The following CAND1 variants were observed in gnomAD, a reference collection of about 807,000 sequenced individuals.
CAND1 encodes cullin-associated NEDD8-dissociated protein 1.
Under a neutral mutation model 108.5 loss-of-function variants are expected in CAND1, and 7 were observed. The observed-to-expected ratio is 0.06, with a 90% CI of 0.04 to 0.12. CAND1 has a LOEUF of 0.12. CAND1 is among the 10% of genes least tolerant of loss of function. The pLI, the probability that CAND1 is intolerant of heterozygous loss-of-function variation, is 1.00. For missense variants in CAND1, 941 were observed against 1,448.7 expected (o/e 0.65, Z 5.69); for synonymous variants, 534 against 512.0 (o/e 1.04, Z -0.58).
intron 1 of CAND1, among the ~76,000 whole-genome samples, chr12:67,273,992 C>T (rs1234996812): frequency 2.0e-5 from 3 of 152,162 alleles, no homozygotes; most frequent in African/African-American, 4.8e-5. Flanking sequence ...AGATTAAGTA[C>T]TTGTTTAAGG....
chr12:67,291,536 A>G (rs2044721744), intron 2 of CAND1, among the ~76,000 whole-genome samples: 1 of 152,220 alleles, frequency 6.6e-6, no homozygotes. Context: ...ATATTTGCAT[A>G]TACAAAATGA....
In CAND1 at chr12:67,312,823, C is replaced by T; in HGVS notation, c.3686C>T (p.Thr1229Ile). ...SSSTNLESMD[T>I]S ...TCTACTAACTTGGAATCAATGGACA[C>T]TAGTTAGATGTTTGTTCACCATGGG... The change falls in exon 15 of 15, where the codon ACT (threonine) becomes ATT (isoleucine). Residue 1229 changes from threonine to isoleucine, a missense_variant. Thr to Ile is a moderately conservative substitution (Grantham distance 89). Coordinates refer to ENST00000545606, the MANE Select transcript of CAND1 (RefSeq NM_018448.5). 4.4e-6 allele frequency: 7 copies of T among 1,602,644 alleles called. No homozygotes were observed. The highest frequency in any genetic ancestry group is 5.1e-6 in the Non-Finnish European group (6 of 1,171,434).
chr12:67,312,447 T>C (rs1181321053), intron 14 of CAND1, among the ~76,000 whole-genome samples, 159 bp from the exon 15 acceptor site: 1 of 152,160 alleles, frequency 6.6e-6, no homozygotes, highest in Non-Finnish European at 1.5e-5. Context: ...AGGAGACAGC[T>C]ACTTTAAAAA....
At position 67,315,035 on chromosome 12, in the gene CAND1, T is replaced by G. The variant is rs1204634553; in HGVS notation, c.*2205T>G. 1 of 152,198 alleles carries G rather than the reference T, an allele frequency of 6.6e-6. No homozygotes were observed. The allele number at this position is 152,198 out of a possible 1,614,324, so 9.4% of individuals were successfully genotyped here. A position where few individuals can be genotyped will look rare whatever the true frequency, so the allele number is the denominator to read the frequency against. ...ATGCTACTTACTAGTAATATTAAGG[T>G]GTTAAACTTAGGAATTTGTCACATG... On this transcript the variant is annotated 3_prime_UTR_variant, in exon 15 of 15. Transcript: ENST00000545606.
At chr12:67,296,891 A>G (rs992301059) in intron 4 of CAND1, among the ~76,000 whole-genome samples, 3 of 152,016 alleles carry the variant, frequency 2.0e-5, no homozygotes, top group Non-Finnish European at 4.4e-5. Context: ...TCAATTTACC[A>G]GGCTCAGGTG....
intron 7 of CAND1, among the ~76,000 whole-genome samples, chr12:67,300,884 G>T (rs1439202290): frequency 6.6e-6 from 1 of 151,906 alleles, no homozygotes; most frequent in African/African-American, 2.4e-5. Flanking sequence ...TTTGAATTTT[G>T]TTTTTTTGTG....
intron 2 of CAND1, among the ~76,000 whole-genome samples, chr12:67,284,462 A>C (rs1446034969): frequency 6.6e-6 from 1 of 152,196 alleles, no homozygotes; most frequent in East Asian, 1.9e-4. Flanking sequence ...GTTAGTTGTC[A>C]AGACACTGAT....
At position 67,317,080 on chromosome 12, in the gene CAND1, T is replaced by C. The variant is rs1403138107; in HGVS notation, c.*4250T>C. The C allele has an allele frequency of 6.6e-6, 1 of 152,214 alleles. No individual in the cohort carries two copies. Among genetic ancestry groups the C allele is most frequent in the Non-Finnish European group, 1.5e-5 (1 of 68,044 alleles). 9.4% of individuals were successfully genotyped at this position (152,214 alleles called of 1,614,324 possible). ...GGATTACATATAATGAGAAGACGTG[T>C]GGGCTGAAATACCTAGTGAACAATA... is the stretch of plus-strand genomic sequence containing the variant. On this transcript the variant is annotated 3_prime_UTR_variant, in exon 15 of 15. Coordinates refer to ENST00000545606, the MANE Select transcript of CAND1 (RefSeq NM_018448.5).
chr12:67,301,624 GA>G (rs939105592), intron 7 of CAND1, among the ~76,000 whole-genome samples: 20 of 152,012 alleles, frequency 1.3e-4, no homozygotes, highest in Admixed American at 7.9e-4. Context: ...AGCATTAGGG[GA>G]AAAAATGGTC....
At chr12:67,298,428 A>C (rs1008558608) in intron 6 of CAND1, among the ~76,000 whole-genome samples, 10 of 152,130 alleles carry the variant, frequency 6.6e-5, no homozygotes, top group Non-Finnish European at 2.9e-5. Context: ...TGGTTTTGAG[A>C]AGTGGCTTTT....
At chr12:67,285,323 A>G (rs1174288591) in intron 2 of CAND1, among the ~76,000 whole-genome samples, 2 of 152,216 alleles carry the variant, frequency 1.3e-5, no homozygotes. Flanking sequence ...TGGATGGGAT[A>G]ACTCCACATC....
intron 13 of CAND1, 54 bp downstream of exon 13, chr12:67,310,370 C>A: frequency 2.4e-6 from 3 of 1,260,462 alleles, no homozygotes; most frequent in South Asian, 1.4e-5. Flanking sequence ...TTTGCTAGAG[C>A]AACTTTCACC....
chr12:67,294,068 A>G (rs1363526658), intron 3 of CAND1, among the ~76,000 whole-genome samples: 1 of 152,194 alleles, frequency 6.6e-6, no homozygotes, highest in East Asian at 1.9e-4. Context: ...TTTATTAAAT[A>G]GTTACTTATT....
intron 1 of CAND1, among the ~76,000 whole-genome samples, chr12:67,277,807 A>ATTTT (rs561441612): frequency 3.3e-5 from 5 of 151,582 alleles, no homozygotes; most frequent in African/African-American, 1.2e-4. Context: ...ACTGTATGTC[A>ATTTT]TTTTTTTTTC....
At chr12:67,302,052 AAGC>A (rs2044830083) in intron 7 of CAND1, among the ~76,000 whole-genome samples, 1 of 152,236 alleles carries the variant, frequency 6.6e-6, no homozygotes, top group African/African-American at 2.4e-5. Flanking sequence ...GGGTTAAAAT[AAGC>A]AGCAGTTCAT....
chr12:67,274,714 G>T (rs1301459893), intron 1 of CAND1, among the ~76,000 whole-genome samples: 1 of 152,152 alleles, frequency 6.6e-6, no homozygotes, highest in Admixed American at 6.5e-5. Context: ...ATTTTGGAAT[G>T]CAAGTTTTTC....
chr12:67,309,697 T>C (rs1455897061), intron 11 of CAND1, among the ~76,000 whole-genome samples: 1 of 152,012 alleles, frequency 6.6e-6, no homozygotes, highest in African/African-American at 2.4e-5. Context: ...TGAAAATATA[T>C]TCACCTTCAG....
Position 67,316,084 on chromosome 12 carries a change from A to C in CAND1, c.*3254A>C, listed in dbSNP as rs532283802. 6.6e-6 allele frequency: 1 copy of C among 152,296 alleles called. No individual in the cohort carries two copies. The highest frequency in any genetic ancestry group is 6.5e-5 in the Admixed American group (1 of 15,298). The allele number at this position is 152,296 out of a possible 1,614,324, so 9.4% of individuals were successfully genotyped here. A position where few individuals can be genotyped will look rare whatever the true frequency, so the allele number is the denominator to read the frequency against. On this transcript the variant is annotated 3_prime_UTR_variant, in exon 15 of 15. Transcript: ENST00000545606. ...AAGACCTTAAACATTTCAGCAAGTA[A>C]ATTTTGGATTCTAGCTCTGTTTTAA... is the stretch of plus-strand genomic sequence containing the variant.
Position 67,315,097 on chromosome 12 carries a change from C to T in CAND1, c.*2267C>T, listed in dbSNP as rs1038803360. ...GGAGATCTAAAAGTTAATACAAAAC[C>T]AAGCTGTTTACTGATTTTCATGAGA... On this transcript the variant is annotated 3_prime_UTR_variant, in exon 15 of 15. Coordinates refer to ENST00000545606, the MANE Select transcript of CAND1 (RefSeq NM_018448.5). 1 of 152,160 alleles carries T rather than the reference C, an allele frequency of 6.6e-6. No individual in the cohort carries two copies. The highest frequency in any genetic ancestry group is 2.4e-5 in the African/African-American group (1 of 41,430). 9.4% of individuals were successfully genotyped at this position (152,160 alleles called of 1,614,324 possible). A position where few individuals can be genotyped will look rare whatever the true frequency, so the allele number is the denominator to read the frequency against.
Sources: gnomAD v4.1 joint callset for allele counts (sites outside exome capture counted in the v4.1 genomes callset) on GRCh38, gnomAD v4.1.1 for gene constraint, MANE v1.5 for transcripts, NCBI Gene and HGNC (gene_info 2026-07-23, HGNC 2026-07-21) for gene names.